PEBP4: variants seen among roughly 807,000 people sequenced by gnomAD.
PEBP4 encodes the protein phosphatidylethanolamine-binding protein 4.
In PEBP4, 22 loss-of-function variants were observed where a neutral mutation model predicts 23.9. The observed-to-expected ratio is 0.92, with a 90% CI of 0.66 to 1.31. The LOEUF (loss-of-function observed/expected upper bound fraction) is 1.31. PEBP4 is among the 40% of genes most tolerant of loss of function. The pLI, the probability that PEBP4 is intolerant of heterozygous loss-of-function variation, is 0.00. For missense variants in PEBP4, 324 were observed against 281.7 expected (o/e 1.15, Z -1.07); for synonymous variants, 112 against 99.3 (o/e 1.13, Z -0.76).
chr8:22,888,308 C>T (rs1419138657), intron 3 of PEBP4, among the ~76,000 whole-genome samples: 4 of 152,248 alleles, frequency 2.6e-5, no homozygotes, highest in Non-Finnish European at 5.9e-5. Flanking sequence ...CTCGTGCCAC[C>T]AAGCCCAGCT....
intron 3 of PEBP4, among the ~76,000 whole-genome samples, chr8:22,877,793 T>C (rs1314694962): frequency 6.6e-6 from 1 of 152,118 alleles, no homozygotes; most frequent in East Asian, 1.9e-4. Context: ...ACATAAACAC[T>C]GCCTCAGAGA....
intron 3 of PEBP4, among the ~76,000 whole-genome samples, chr8:22,836,949 T>G (rs1050999822): frequency 6.7e-5 from 10 of 149,472 alleles, no homozygotes; most frequent in African/African-American, 2.5e-4. Flanking sequence ...AAAGTAGCAA[T>G]CAGACAAATA....
chr8:22,853,656 G>A (rs1427063682), intron 3 of PEBP4, among the ~76,000 whole-genome samples: 1 of 152,150 alleles, frequency 6.6e-6, no homozygotes, highest in Non-Finnish European at 1.5e-5. Flanking sequence ...TCCCTTCACA[G>A]GAGGAAATCC....
chr8:22,755,548 C>A (rs925485771), intron 4 of PEBP4, among the ~76,000 whole-genome samples: 1 of 152,020 alleles, frequency 6.6e-6, no homozygotes, highest in African/African-American at 2.4e-5. Context: ...GTTGGCCAGT[C>A]TGGTCTCAAG....
chr8:22,923,677 T>C (rs1246943543), intron 2 of PEBP4, among the ~76,000 whole-genome samples: 1 of 152,160 alleles, frequency 6.6e-6, no homozygotes, highest in Non-Finnish European at 1.5e-5. Context: ...CCTCAAAATT[T>C]ATATGTTGGA....
rs1040438019 is a variant in PEBP4 at position 22,927,486 on chromosome 8, C to T, written c.131+98G>A. 9.9e-6 allele frequency: 14 copies of T among 1,410,616 alleles called. No individual in the cohort carries two copies. The Admixed American group carries it at 2.7e-4, about 27-fold the overall frequency. The allele number at this position is 1,410,616 out of a possible 1,614,324, so 87.4% of individuals were successfully genotyped here. A position where few individuals can be genotyped will look rare whatever the true frequency, so the allele number is the denominator to read the frequency against. ...TTCTGCCTTCCCATAAAATCAGGCT[C>T]AGGAGATGGTGCTTCTTGGTTCTGG... On this transcript the variant is annotated intron_variant, in intron 2 of 6. Coordinates refer to ENST00000256404, the MANE Select transcript of PEBP4 (RefSeq NM_144962.3).
At chr8:22,915,650 G>T (rs1053907138) in intron 3 of PEBP4, among the ~76,000 whole-genome samples, 1 of 152,188 alleles carries the variant, frequency 6.6e-6, no homozygotes, top group Non-Finnish European at 1.5e-5. Context: ...AGTCCATGGC[G>T]GCTGCAGTCC....
chr8:22,930,947 A>G (rs558500344), upstream of PEBP4, among the ~76,000 whole-genome samples: 8 of 152,062 alleles, frequency 5.3e-5, no homozygotes, highest in African/African-American at 1.4e-4. Flanking sequence ...TCCAGACACC[A>G]CCATTCAAGC....
intron 3 of PEBP4, among the ~76,000 whole-genome samples, chr8:22,828,810 C>A (rs1186543572): frequency 6.6e-6 from 1 of 152,218 alleles, no homozygotes; most frequent in African/African-American, 2.4e-5. Flanking sequence ...AGCCACCCAA[C>A]ACCATGGCCT....
Position 22,720,330 on chromosome 8 carries a change from T to A in PEBP4, c.517+4513A>T, listed in dbSNP as rs541614544. On this transcript the variant is annotated intron_variant, in intron 6 of 6. Coordinates refer to ENST00000256404, the MANE Select transcript of PEBP4 (RefSeq NM_144962.3). The stretch of plus-strand genomic sequence containing the variant: ...AGCCTTGTGGGGTTGTTCTAGAGGA[T>A]GTGATGGAGGGCCAGCAGCCGGGAC... Among the ~76,000 whole-genome samples, 249 of 152,078 alleles carry A rather than the reference T, an allele frequency of 1.6e-3. 1 individual carries two copies. Among genetic ancestry groups the A allele is most frequent in the South Asian group, 3.5e-3 (17 of 4,810 alleles).
intron 4 of PEBP4, among the ~76,000 whole-genome samples, chr8:22,754,463 A>C (rs1805333845): frequency 6.6e-6 from 1 of 152,212 alleles, no homozygotes; most frequent in African/African-American, 2.4e-5. Flanking sequence ...ATTGCTAGGA[A>C]AGCTTATCCC....
At chr8:22,737,294 C>CAAAAA in intron 4 of PEBP4, among the ~76,000 whole-genome samples, 1 of 65,492 alleles carries the variant, frequency 1.5e-5, no homozygotes, top group African/African-American at 5.5e-5. Context: ...GACTCCGTCT[C>CAAAAA]AAAAAAAAAA....
intron 3 of PEBP4, among the ~76,000 whole-genome samples, chr8:22,850,978 C>T (rs931454508): frequency 3.9e-5 from 6 of 152,212 alleles, no homozygotes; most frequent in Admixed American, 6.5e-5. Context: ...GCATCTTGGG[C>T]ATCCAACAGT....
intron 3 of PEBP4, among the ~76,000 whole-genome samples, chr8:22,841,270 G>A (rs112261616): frequency 2.6e-5 from 4 of 152,380 alleles, no homozygotes; most frequent in Non-Finnish European, 2.9e-5. Context: ...GGCCCTTTGA[G>A]GGGGTGGAAG....
intron 3 of PEBP4, among the ~76,000 whole-genome samples, chr8:22,871,124 G>C (rs1459122873): frequency 6.6e-6 from 1 of 152,166 alleles, no homozygotes; most frequent in African/African-American, 2.4e-5. Context: ...TGGGGGTGAG[G>C]GGTCGGGGGT....
intron 3 of PEBP4, among the ~76,000 whole-genome samples, chr8:22,908,398 A>AAC (rs1808862745): frequency 6.6e-6 from 1 of 151,772 alleles, no homozygotes; most frequent in African/African-American, 2.4e-5. Context: ...ACAAACAAAA[A>AAC]AAAAAACCTG....
At position 22,805,840 on chromosome 8, in the gene PEBP4, CTGAA is replaced by C. The variant is rs1806484001; in HGVS notation, c.357+11793_357+11796del. Among the ~76,000 whole-genome samples, 3 of 151,992 alleles carry C rather than the reference CTGAA, an allele frequency of 2.0e-5. No homozygotes were observed. In the South Asian group the frequency reaches 6.2e-4, roughly 32 times the overall value. On this transcript the variant is annotated intron_variant, in intron 4 of 6. Coordinates refer to ENST00000256404, the MANE Select transcript of PEBP4 (RefSeq NM_144962.3). The stretch of plus-strand genomic sequence containing the variant: ...GCATAAACTTTTTGATCTGCAGTGC[CTGAA>C]TGAAACCTATTGCCTAAATGGGCTA...
chr8:22,724,951 G>C lies in PEBP4; in HGVS notation c.409C>G (p.Gln137Glu), dbSNP rs767082354. 8.1e-6 allele frequency: 13 copies of C among 1,612,154 alleles called. No individual in the cohort carries two copies. In the South Asian group the frequency reaches 1.4e-4, roughly 18 times the overall value. The stretch of plus-strand genomic sequence containing the variant: ...CTGTGTGCCGGTGGGGAGGGAGCCT[G>C]GTAGGCTATAGGTAGAAGCAGGAGA... ...KIQGQELSAY[Q>E]APSPPAHSGF... The change falls in exon 6 of 7, where the codon CAG becomes GAG. Residue 137 changes from glutamine (Q) to glutamate (E), a missense_variant. Coordinates refer to ENST00000256404, the MANE Select transcript of PEBP4 (RefSeq NM_144962.3).
intron 4 of PEBP4, among the ~76,000 whole-genome samples, chr8:22,765,113 A>ACTTC (rs1554483028): frequency 2.4e-5 from 2 of 85,038 alleles, no homozygotes; most frequent in African/African-American, 8.6e-5. Flanking sequence ...TCCTTCCTTT[A>ACTTC]TTTCTTCCTT....
Sources: gnomAD v4.1 joint callset for allele counts (sites outside exome capture counted in the v4.1 genomes callset) on GRCh38, gnomAD v4.1.1 for gene constraint, MANE v1.5 for transcripts, NCBI Gene and HGNC (gene_info 2026-07-23, HGNC 2026-07-21) for gene names.